The following PKHD1 variants were observed in gnomAD, a reference collection of about 807,000 sequenced individuals.
PKHD1 encodes the protein fibrocystin.
PKHD1 carries 291 observed loss-of-function variants against 412.0 expected under a neutral mutation model. That is an observed-to-expected ratio of 0.71 (90% CI 0.64 to 0.78). The LOEUF is 0.78. Among genes scored for constraint, PKHD1 ranks in the 30% least tolerant of loss-of-function variants. The pLI, the probability that PKHD1 is intolerant of heterozygous loss-of-function variation, is 0.00. For missense variants in PKHD1, 4,825 were observed against 4,950.7 expected, an observed-to-expected ratio of 0.97 and a Z score of 0.76; for synonymous variants, 1,777 against 1,821.5, an observed-to-expected ratio of 0.98 and a Z score of 0.62.
chr6:51,705,533 A>G (rs537047673), intron 60 of PKHD1, among the ~76,000 whole-genome samples: 1 of 152,162 alleles, frequency 6.6e-6, no homozygotes, highest in South Asian at 2.1e-4. Flanking sequence ...ACAAGTAGAG[A>G]CCCTGTATTA....
At chr6:52,013,982 A>G (rs1163969033) in intron 34 of PKHD1, among the ~76,000 whole-genome samples, 2 of 152,214 alleles carry the variant, frequency 1.3e-5, no homozygotes, top group African/African-American at 4.8e-5. Flanking sequence ...CACTAAGCAC[A>G]CTGCATCAGA....
chr6:51,701,646 C>G lies in PKHD1; in HGVS notation c.10157-41677G>C, dbSNP rs114529767. On this transcript the variant is annotated intron_variant, in intron 60 of 66. Coordinates refer to ENST00000371117, the MANE Select transcript of PKHD1 (RefSeq NM_138694.4). ...TCATTCAGCCCTATGCAAAGTAAAA[C>G]AAGATACAAAAGAAGGATTAGAAAT... 2.1e-3 allele frequency among the ~76,000 whole-genome samples: 321 copies of G among 151,974 alleles called. 3 individuals carry two copies. The highest frequency in any genetic ancestry group is 7.2e-3 in the African/African-American group (299 of 41,498).
At chr6:51,700,392 TC>T (rs1779286688) in intron 60 of PKHD1, among the ~76,000 whole-genome samples, 1 of 152,046 alleles carries the variant, frequency 6.6e-6, no homozygotes, top group Non-Finnish European at 1.5e-5. Context: ...CTCAATCTCC[TC>T]CCCACCTTCT....
At chr6:51,811,779 A>G (rs1326592) in intron 52 of PKHD1, among the ~76,000 whole-genome samples, 118,595 of 152,072 alleles carry the variant, frequency 0.78, 46,527 homozygotes, top group East Asian at 0.97. Flanking sequence ...AAAGTTATTC[A>G]TTATATAAAT....
At chr6:51,715,247 C>T (rs1274133542) in intron 60 of PKHD1, among the ~76,000 whole-genome samples, 1 of 152,048 alleles carries the variant, frequency 6.6e-6, no homozygotes, top group South Asian at 2.1e-4. Context: ...AGGAAATGGA[C>T]TCAGGGAGCA....
At chr6:51,932,725 A>G (rs1269351129) in intron 37 of PKHD1, among the ~76,000 whole-genome samples, 3 of 152,218 alleles carry the variant, frequency 2.0e-5, no homozygotes, top group African/African-American at 7.2e-5. Context: ...TTGAATTTCT[A>G]TCCAGTGAGT....
At chr6:51,970,109 T>C (rs560870473) in intron 35 of PKHD1, among the ~76,000 whole-genome samples, 1 of 152,322 alleles carries the variant, frequency 6.6e-6, no homozygotes, top group South Asian at 2.1e-4. Context: ...TGCTGTAGTT[T>C]GACTTTTTAA....
chr6:52,004,623 C>T (rs1581698036), intron 35 of PKHD1, among the ~76,000 whole-genome samples: 2 of 152,286 alleles, frequency 1.3e-5, no homozygotes, highest in African/African-American at 2.4e-5. Context: ...CTCTAGCAGA[C>T]AATTAATTTA....
intron 1 of PKHD1, among the ~76,000 whole-genome samples, chr6:52,085,553 A>G (rs142475546): frequency 6.6e-6 from 1 of 152,170 alleles, no homozygotes; most frequent in African/African-American, 2.4e-5. Flanking sequence ...GGTGCTGCTC[A>G]GGAGCCCCTC....
intron 15 of PKHD1, among the ~76,000 whole-genome samples, chr6:52,058,810 T>G (rs1209071111): frequency 6.7e-6 from 1 of 148,982 alleles, no homozygotes; most frequent in Admixed American, 6.8e-5. Flanking sequence ...TCTATCTATC[T>G]CTTACAATTG....
At chr6:52,019,458 T>G (rs1801075292) in intron 33 of PKHD1, among the ~76,000 whole-genome samples, 1 of 152,228 alleles carries the variant, frequency 6.6e-6, no homozygotes, top group South Asian at 2.1e-4. Flanking sequence ...GACTCTTGTA[T>G]GAACAGACAA....
At chr6:51,634,647 T>A (rs929514445) in intron 64 of PKHD1, among the ~76,000 whole-genome samples, 2 of 152,170 alleles carry the variant, frequency 1.3e-5, no homozygotes, top group African/African-American at 4.8e-5. Context: ...ATAATGCAAA[T>A]CAATTGCTTT....
chr6:52,039,239 T>C (rs1199622057), intron 27 of PKHD1, among the ~76,000 whole-genome samples: 1 of 152,134 alleles, frequency 6.6e-6, no homozygotes, highest in African/African-American at 2.4e-5. Flanking sequence ...GGTGAGGGTG[T>C]GGAGATATTG....
At chr6:51,906,083 CT>C (rs1232265975) in intron 41 of PKHD1, 131 bp downstream of exon 41, 1 of 757,410 alleles carries the variant, frequency 1.3e-6, no homozygotes, top group Non-Finnish European at 2.3e-6. Flanking sequence ...GAATGTTTTA[CT>C]GTAGCCCATT....
At chr6:51,765,483 T>C (rs995882917) in intron 55 of PKHD1, among the ~76,000 whole-genome samples, 2 of 152,130 alleles carry the variant, frequency 1.3e-5, no homozygotes, top group African/African-American at 4.8e-5. Context: ...GCGCCAGCTA[T>C]AGTGACCTTC....
In PKHD1 at chr6:52,025,575, A is replaced by C. The variant is rs763331830; in HGVS notation, c.4235T>G (p.Leu1412Trp). The C allele has an allele frequency of 1.6e-5, 26 of 1,614,162 alleles. No individual in the cohort carries two copies. Among genetic ancestry groups the C allele is most frequent in the Non-Finnish European group, 2.2e-5 (26 of 1,180,036 alleles). ...CGGTILTVRG[L>W]LLNSRRRSVR... ...TGACCTCCTTCTAGAGTTAAGAAGC[A>C]ACCCCCTCACAGTAAGTATGGTCCC... Residue 1412 changes from leucine to tryptophan, a missense_variant, in exon 32 of 67, where the codon TTG becomes TGG. Leu to Trp is a moderately conservative substitution (Grantham distance 61). Transcript: ENST00000371117.
intron 36 of PKHD1, among the ~76,000 whole-genome samples, chr6:51,947,979 G>T (rs1306567114): frequency 2.0e-5 from 3 of 151,966 alleles, no homozygotes; most frequent in African/African-American, 7.3e-5. Context: ...CAATTGCTAA[G>T]TCTGAAAATC....
At chr6:51,766,615 A>ATATTTTTATTTTTTTTTTTTT (rs562939539) in intron 55 of PKHD1, among the ~76,000 whole-genome samples, 11,137 of 150,446 alleles carry the variant, frequency 0.074, 442 homozygotes, top group East Asian at 0.11. Context: ...TGGTGTATTC[A>ATATTTTTATTTTTTTTTTTTT]TATTTTTATT....
chr6:52,076,530 C>A (rs1013354220), intron 5 of PKHD1, among the ~76,000 whole-genome samples, 197 bp from the exon 6 acceptor site: 2 of 152,168 alleles, frequency 1.3e-5, no homozygotes, highest in Admixed American at 1.3e-4. Context: ...TATCATATTT[C>A]TCCTATAGAT....
Sources: allele counts gnomAD v4.1 joint callset (sites outside exome capture counted in the v4.1 genomes callset), GRCh38; gene constraint gnomAD v4.1.1; transcripts MANE v1.5; gene names NCBI Gene and HGNC (gene_info 2026-07-23, HGNC 2026-07-21).